The following SMARCA4 variants were observed in gnomAD, a reference collection of about 807,000 sequenced individuals.
The protein encoded by SMARCA4 is SWI/SNF-related matrix-associated actin-dependent regulator of chromatin subfamily A member 4.
A neutral mutation model predicts 193.9 loss-of-function variants in SMARCA4; 31 were observed. The observed-to-expected ratio is 0.16, with a 90% confidence interval of 0.12 to 0.22. SMARCA4 has a LOEUF of 0.22. Ranked by LOEUF, SMARCA4 falls within the 10% of genes least tolerant of loss-of-function variation. The pLI is 1.00. For missense variants in SMARCA4, 1,148 were observed against 2,296.0 expected, an observed-to-expected ratio of 0.50 and a Z score of 10.22; for synonymous variants, 942 against 933.1, an observed-to-expected ratio of 1.01 and a Z score of -0.17.
chr19:11,010,327 A>G (rs2088699715), intron 14 of SMARCA4, 54 bp from the exon 15 acceptor site: 5 of 1,598,836 alleles, frequency 3.1e-6, no homozygotes, highest in Non-Finnish European at 3.4e-6. Context: ...GAGCCAGCAC[A>G]TTGTCACAGA....
At position 10,961,972 on chromosome 19, in the gene SMARCA4, A is replaced by ATTTT. The variant is rs1291248772; in HGVS notation, c.-32+815_-32+818dup. ...CCCGATCTTGAAGATACCAGTCTTG[A>ATTTT]TTTTTTTTTTTTTTTTTTTTGGTCA... On this transcript the variant is annotated intron_variant, in intron 1 of 34. Transcript: ENST00000344626. 5.8e-4 allele frequency among the ~76,000 whole-genome samples: 71 copies of ATTTT among 121,758 alleles called. 2 individuals are homozygous for ATTTT. Among genetic ancestry groups the ATTTT allele is most frequent in the African/African-American group, 2.0e-3 (64 of 32,166 alleles). 79.9% of individuals were successfully genotyped at this position (121,758 alleles called of 152,430 possible).
At chr19:11,003,423 A>C in intron 13 of SMARCA4, 26 bp downstream of exon 13, 1 of 1,603,616 alleles carries the variant, frequency 6.2e-7, no homozygotes, top group Non-Finnish European at 8.5e-7. Context: ...CTGGCTTTCA[A>C]GGCTCTCAGT....
chr19:10,997,573 G>C, intron 11 of SMARCA4, among the ~76,000 whole-genome samples: 1 of 151,916 alleles, frequency 6.6e-6, no homozygotes, highest in Non-Finnish European at 1.5e-5. Flanking sequence ...TGATCCACCC[G>C]CCTTGGCCTC....
intron 1 of SMARCA4, among the ~76,000 whole-genome samples, chr19:10,974,350 AACATGGTAGTTCTC>A (rs1028024281): frequency 6.6e-6 from 1 of 151,990 alleles, no homozygotes; most frequent in African/African-American, 2.4e-5. Flanking sequence ...AAATAATGAG[AACATGGTAGTTCTC>A]ACATCCTTTG....
chr19:11,046,685 T>C (rs143299399), intron 30 of SMARCA4, among the ~76,000 whole-genome samples: 3 of 152,190 alleles, frequency 2.0e-5, no homozygotes, highest in African/African-American at 7.2e-5. Context: ...CTGGGCGTAG[T>C]GGTCACGCCT....
chr19:10,970,653 C>T (rs1287581772), intron 1 of SMARCA4, among the ~76,000 whole-genome samples: 1 of 152,192 alleles, frequency 6.6e-6, no homozygotes, highest in Non-Finnish European at 1.5e-5. Context: ...GCAGTCCTCC[C>T]ACTTTGGCCT....
chr19:10,973,256 A>G (rs1239922284), intron 1 of SMARCA4, among the ~76,000 whole-genome samples: 1 of 152,212 alleles, frequency 6.6e-6, no homozygotes, highest in Non-Finnish European at 1.5e-5. Flanking sequence ...AGAGCTTGAA[A>G]AACATCCATC....
intron 1 of SMARCA4, among the ~76,000 whole-genome samples, chr19:10,981,051 T>A (rs2085516700): frequency 6.6e-6 from 1 of 152,214 alleles, no homozygotes; most frequent in Non-Finnish European, 1.5e-5. Context: ...TGTATTTTGC[T>A]GTCAGTTTCA....
At chr19:11,046,176 T>G (rs2075900678) in intron 30 of SMARCA4, among the ~76,000 whole-genome samples, 1 of 151,804 alleles carries the variant, frequency 6.6e-6, no homozygotes, top group Non-Finnish European at 1.5e-5. Context: ...TGAGCCGAGA[T>G]TGTGCCACTG....
intron 30 of SMARCA4, among the ~76,000 whole-genome samples, chr19:11,044,321 A>G (rs1486749165): frequency 6.6e-6 from 1 of 152,248 alleles, no homozygotes; most frequent in Non-Finnish European, 1.5e-5. Context: ...GATTTCTTCC[A>G]CGGGAGCCAA....
intron 1 of SMARCA4, among the ~76,000 whole-genome samples, chr19:10,973,557 C>T (rs893490311): frequency 3.0e-4 from 45 of 150,556 alleles, no homozygotes; most frequent in African/African-American, 6.6e-4. Context: ...CCCGCCACCA[C>T]GCCCAGCTAA....
chr19:11,031,234 G>T lies in SMARCA4; in HGVS notation c.3546+341G>T. The T allele has an allele frequency of 2.7e-6, 1 of 375,798 alleles. No homozygotes were observed. The highest frequency in any genetic ancestry group is 5.1e-6 in the Non-Finnish European group (1 of 195,112). The allele number at this position is 375,798 out of a possible 1,614,324, so 23.3% of individuals were successfully genotyped here. A position where few individuals can be genotyped will look rare whatever the true frequency, so the allele number is the denominator to read the frequency against. ...CACTGTGGGGCGGCCCCTGCAGTGT[G>T]CCCTGTGAGCACACACACTGGCGCT... is the stretch of plus-strand genomic sequence containing the variant. On this transcript the variant is annotated intron_variant, in intron 25 of 34. Coordinates refer to ENST00000344626, the MANE Select transcript of SMARCA4 (RefSeq NM_003072.5). This position sits in a 1 kb window ranked among gnomAD's most constrained non-coding sequence, Gnocchi z 4.3.
Position 11,041,177 on chromosome 19 carries a change from G to A in SMARCA4, c.4171-130G>A. 1 of 982,062 alleles carries A rather than the reference G, an allele frequency of 1.0e-6. No individual in the cohort carries two copies. The highest frequency in any genetic ancestry group is 2.2e-5 in the Admixed American group (1 of 46,026). The allele number at this position is 982,062 out of a possible 1,614,324, so 60.8% of individuals were successfully genotyped here. A position where few individuals can be genotyped will look rare whatever the true frequency, so the allele number is the denominator to read the frequency against. ...CCAGTGTGTGTTATGCCCCGAGCCA[G>A]TCAAGCTGAAGGGAGAGCGGGTGCG... On this transcript the variant is annotated intron_variant, in intron 29 of 34. Transcript: ENST00000344626. The surrounding 1 kb of genome is among the most constrained non-coding windows in gnomAD (Gnocchi z 5.6).
rs1555753680 is a variant in SMARCA4, at chr19:10,986,535, TGGCCCTGGCCCC to T, written c.708_719del (p.Gly241_Pro244del). On this transcript the variant is annotated inframe_deletion, in exon 4 of 35. Coordinates refer to ENST00000344626, the MANE Select transcript of SMARCA4 (RefSeq NM_003072.5). The surrounding 1 kb of genome is among the most constrained non-coding windows in gnomAD (Gnocchi z 6.7). ...CCGCAACAGGACCCGGCCCTGGCCC[TGGCCCTGGCCCC>T]GGCCCGGGTCCCGGCCCGGCACCTC... The T allele has an allele frequency of 1.3e-6, 2 of 1,541,450 alleles. No homozygotes were observed. The highest frequency in any genetic ancestry group is 8.7e-7 in the Non-Finnish European group (1 of 1,146,558).
Position 11,019,276 on chromosome 19 carries a change from G to A in SMARCA4, c.2505+253G>A, listed in dbSNP as rs966957696. ...CCAGCACTCAGAGGCCAGCTCAGGC[G>A]CCTGAGATGGGGACCCAGGAAGAGG... On this transcript the variant is annotated intron_variant, in intron 17 of 34. Transcript: ENST00000344626. The surrounding 1 kb of genome is among the most constrained non-coding windows in gnomAD (Gnocchi z 6.1). 15 of 613,106 alleles carry A rather than the reference G, an allele frequency of 2.4e-5. No homozygotes were observed. The highest frequency in any genetic ancestry group is 5.5e-5 in the African/African-American group (3 of 54,510). 38.0% of individuals were successfully genotyped at this position (613,106 alleles called of 1,614,324 possible). A position where few individuals can be genotyped will look rare whatever the true frequency, so the allele number is the denominator to read the frequency against.
Position 11,012,951 on chromosome 19 carries a change from C to T in SMARCA4, c.2277C>T (p.Ile759=). Residue 759 remains isoleucine, a splice_region_variant and synonymous_variant, in exon 16 of 35, where the codon ATC becomes ATT. Coordinates refer to ENST00000344626, the MANE Select transcript of SMARCA4 (RefSeq NM_003072.5). The part of the protein sequence containing the change: ...MVNGVLKQYQ[I]KGLEWLVSLY... The stretch of plus-strand genomic sequence containing the variant: ...CGTGGCCGCATCTGTCCTTGCAGAT[C>T]AAAGGTTTGGAGTGGCTGGTGTCCC... 6.2e-7 allele frequency: 1 copy of T among 1,614,132 alleles called. No individual in the cohort carries two copies. Among genetic ancestry groups the T allele is most frequent in the South Asian group, 1.1e-5 (1 of 91,070 alleles).
rs1568419559 is a variant in SMARCA4 at position 10,985,253 on chromosome 19, T to C, written c.223-20T>C. 7 of 1,613,578 alleles carry C rather than the reference T, an allele frequency of 4.3e-6. No individual in the cohort carries two copies. Among genetic ancestry groups the C allele is most frequent in the Non-Finnish European group, 5.9e-6 (7 of 1,179,842 alleles). ...CACGTTCCACATGCTGACCCTGCCT[T>C]GCCATGGTCCCTCTCGCAGCCCATG... On this transcript the variant is annotated intron_variant, in intron 2 of 34. Transcript: ENST00000344626. This position sits in a 1 kb window ranked among gnomAD's most constrained non-coding sequence, Gnocchi z 4.5.
intron 1 of SMARCA4, among the ~76,000 whole-genome samples, chr19:10,981,937 A>C (rs982700078): frequency 3.3e-5 from 5 of 152,142 alleles, no homozygotes; most frequent in African/African-American, 1.2e-4. Context: ...GCAGTGGGCT[A>C]TGATGGCTCC....
chr19:11,046,109 G>A (rs2075894746), intron 30 of SMARCA4, among the ~76,000 whole-genome samples: 1 of 151,892 alleles, frequency 6.6e-6, no homozygotes, highest in Non-Finnish European at 1.5e-5. Flanking sequence ...TGTAGTCCCA[G>A]ATACTCGAGA....
Sources: allele counts gnomAD v4.1 joint callset (sites outside exome capture counted in the v4.1 genomes callset), GRCh38; gene constraint gnomAD v4.1.1; non-coding constraint Gnocchi (gnomAD v3.1); transcripts MANE v1.5; gene names NCBI Gene and HGNC (gene_info 2026-07-23, HGNC 2026-07-21).